Variants in MYO16 observed in about 807,000 individuals in gnomAD.
The protein encoded by MYO16 is myosin XVI, also known as unconventional myosin-XVI.
Under a neutral mutation model 205.3 loss-of-function variants are expected in MYO16, and 94 were observed. That is an observed-to-expected ratio of 0.46 (90% confidence interval 0.39 to 0.54). MYO16 has a LOEUF of 0.54. Ranked by LOEUF, MYO16 falls within the 20% of genes least tolerant of loss-of-function variation. The probability of loss-of-function intolerance (pLI) is 0.00; values close to 1 mark genes in which losing one functional copy is unlikely to be tolerated. For missense variants in MYO16, 2,315 were observed against 2,387.5 expected (o/e 0.97, Z 0.63); for synonymous variants, 988 against 954.0 (o/e 1.04, Z -0.66).
chr13:109,173,495 T>C (rs1218937236), intron 33 of MYO16, among the ~76,000 whole-genome samples: 6 of 152,144 alleles, frequency 3.9e-5, no homozygotes, highest in Non-Finnish European at 5.9e-5. Flanking sequence ...TGCTGCACAA[T>C]GTATTGTGGC....
At chr13:108,506,880 T>A in the MYO16 span, among the ~76,000 whole-genome samples, 1 of 151,988 alleles carries the variant, frequency 6.6e-6, no homozygotes, top group Non-Finnish European at 1.5e-5. Flanking sequence ...GTTTGTTGAA[T>A]TTTTTTTACC....
At chr13:108,956,997 C>A (rs1181948908) in intron 16 of MYO16, among the ~76,000 whole-genome samples, 1 of 152,068 alleles carries the variant, frequency 6.6e-6, no homozygotes, top group Non-Finnish European at 1.5e-5. Flanking sequence ...AAAGTACCAA[C>A]AAGGAAAAAT....
chr13:109,105,072 C>T (rs893580562), intron 28 of MYO16, among the ~76,000 whole-genome samples: 7 of 152,200 alleles, frequency 4.6e-5, no homozygotes, highest in Admixed American at 6.5e-5. Context: ...GAGAAAGACA[C>T]AGGACAGACA....
intron 31 of MYO16, among the ~76,000 whole-genome samples, chr13:109,128,429 T>C (rs1876367535): frequency 1.3e-5 from 2 of 152,094 alleles, no homozygotes; most frequent in South Asian, 4.2e-4. Context: ...AAATAATATC[T>C]GAGAACATAA....
chr13:108,741,045 G>A (rs1415475520), intron 4 of MYO16, among the ~76,000 whole-genome samples: 1 of 152,114 alleles, frequency 6.6e-6, no homozygotes, highest in Non-Finnish European at 1.5e-5. Flanking sequence ...GGCTTCCCTT[G>A]GCTAGGAAAG....
intron 16 of MYO16, among the ~76,000 whole-genome samples, chr13:108,946,783 C>A (rs1474134323): frequency 6.6e-6 from 1 of 151,930 alleles, no homozygotes; most frequent in Non-Finnish European, 1.5e-5. Context: ...GCTCTGTCAC[C>A]CAGGCTTGAG....
intron 27 of MYO16, among the ~76,000 whole-genome samples, chr13:109,099,101 A>T (rs1259995159): frequency 1.3e-5 from 2 of 152,082 alleles, no homozygotes; most frequent in Non-Finnish European, 1.5e-5. Context: ...TGCACTCCTC[A>T]TCTTCAAGGC....
intron 4 of MYO16, among the ~76,000 whole-genome samples, chr13:108,770,514 C>G (rs1026185752): frequency 2.0e-5 from 3 of 152,138 alleles, no homozygotes; most frequent in African/African-American, 7.2e-5. Flanking sequence ...GTGAACTCCT[C>G]CTCAGCAATA....
chr13:108,869,132 C>T (rs1312001720), intron 12 of MYO16, among the ~76,000 whole-genome samples: 1 of 152,080 alleles, frequency 6.6e-6, no homozygotes, highest in Non-Finnish European at 1.5e-5. Context: ...TTAGAATCAG[C>T]TTGTCAATTT....
At position 108,793,632 on chromosome 13, in the gene MYO16, G is replaced by C. The variant is rs1158688792; in HGVS notation, c.733G>C (p.Val245Leu). The C allele has an allele frequency of 6.2e-7, 1 of 1,612,968 alleles. No homozygotes were observed. The highest frequency in any genetic ancestry group is 1.3e-5 in the African/African-American group (1 of 74,904). Residue 245 changes from valine (V) to leucine (L), a missense_variant, in exon 6 of 35, where the codon GTA (valine) becomes CTA (leucine). Val to Leu is a conservative substitution (Grantham distance 32, BLOSUM62 1). Transcript: ENST00000457511. ...TGTCAATGAGAAAAACGATGAAGGA[G>C]TAACCCTGGTAAGTTCATATATTTG... ...GNVNEKNDEG[V>L]TLLHMACASG...
intron 5 of MYO16, among the ~76,000 whole-genome samples, chr13:108,791,725 C>T (rs1176505506): frequency 5.3e-5 from 8 of 152,224 alleles, no homozygotes; most frequent in Non-Finnish European, 8.8e-5. Context: ...AGATATGCAA[C>T]ACGCTTGATG....
At chr13:108,921,270 T>C (rs1322692507) in intron 16 of MYO16, among the ~76,000 whole-genome samples, 1 of 152,178 alleles carries the variant, frequency 6.6e-6, no homozygotes, top group Admixed American at 6.5e-5. Flanking sequence ...TGACCACCTC[T>C]TTCTGACAGA....
chr13:108,670,987 A>G (rs10467297), intron 2 of MYO16, among the ~76,000 whole-genome samples: 23,061 of 152,220 alleles, frequency 0.15, 2,007 homozygotes, highest in Non-Finnish European at 0.2. Context: ...CAGTTTGTTT[A>G]TATTATGAAT....
chr13:108,686,269 G>A (rs1263507794), intron 2 of MYO16, among the ~76,000 whole-genome samples: 1 of 152,222 alleles, frequency 6.6e-6, no homozygotes, highest in Non-Finnish European at 1.5e-5. Flanking sequence ...GATTCGCACA[G>A]CAGCTGGGGC....
At chr13:109,104,244 C>G (rs940684133) in intron 28 of MYO16, among the ~76,000 whole-genome samples, 1 of 152,176 alleles carries the variant, frequency 6.6e-6, no homozygotes, top group African/African-American at 2.4e-5. Flanking sequence ...GCTCATATTA[C>G]AGGACTTGGA....
At chr13:108,686,996 A>G (rs1379284067) in intron 2 of MYO16, among the ~76,000 whole-genome samples, 1 of 152,200 alleles carries the variant, frequency 6.6e-6, no homozygotes, top group African/African-American at 2.4e-5. Flanking sequence ...CGATTCCACC[A>G]TGGTCAAGAA....
intron 12 of MYO16, among the ~76,000 whole-genome samples, chr13:108,875,740 C>G (rs1351165615): frequency 1.3e-5 from 2 of 151,808 alleles, no homozygotes; most frequent in Non-Finnish European, 2.9e-5. Flanking sequence ...AATTGAAAAC[C>G]CTAGCCACCT....
upstream of MYO16, among the ~76,000 whole-genome samples, chr13:108,592,728 C>CTCTG (rs76161516): frequency 9.9e-3 from 1,386 of 139,386 alleles, 7 homozygotes; most frequent in Non-Finnish European, 0.015. Flanking sequence ...GTGAGGGTGG[C>CTCTG]TGTGTGTGTG....
At position 108,757,627 on chromosome 13, in the gene MYO16, C is replaced by G. The variant is rs189216750; in HGVS notation, c.508-28008C>G. On this transcript the variant is annotated intron_variant, in intron 4 of 34. Coordinates refer to ENST00000457511, the MANE Select transcript of MYO16 (RefSeq NM_001198950.3). ...TATATCTCCTAATGCTATCCCTCCC[C>G]CTTCTCCCCACCCCACAACAGGCCC... Among the ~76,000 whole-genome samples, 116 of 152,202 alleles carry G rather than the reference C, an allele frequency of 7.6e-4. 1 individual carries two copies. Among genetic ancestry groups the G allele is most frequent in the African/African-American group, 2.6e-3 (108 of 41,528 alleles).
Sources: gnomAD v4.1 joint callset for allele counts (sites outside exome capture counted in the v4.1 genomes callset) on GRCh38, gnomAD v4.1.1 for gene constraint, MANE v1.5 for transcripts, NCBI Gene and HGNC (gene_info 2026-07-23, HGNC 2026-07-21) for gene names.